SORBS2: variants seen among roughly 807,000 people sequenced by gnomAD.
SORBS2 encodes the protein sorbin and SH3 domain-containing protein 2.
Under a neutral mutation model 97.7 loss-of-function variants are expected in SORBS2, and 46 were observed. That is an observed-to-expected ratio of 0.47 (90% confidence interval 0.37 to 0.60). The LOEUF (loss-of-function observed/expected upper bound fraction) is 0.60, where lower values mean the gene tolerates loss of function less well. Ranked by LOEUF, SORBS2 falls within the 20% of genes least tolerant of loss-of-function variation. The pLI, the probability that SORBS2 is intolerant of heterozygous loss-of-function variation, is 0.00. For synonymous variants in SORBS2, 476 were observed against 473.4 expected (o/e 1.01, Z -0.07); for missense variants, 1,316 against 1,282.3 (o/e 1.03, Z -0.40).
chr4:185,854,061 G>A (rs757403179), intron 1 of SORBS2, among the ~76,000 whole-genome samples: 8 of 152,066 alleles, frequency 5.3e-5, no homozygotes, highest in African/African-American at 9.7e-5. Flanking sequence ...TGTGACAAGC[G>A]TTTCTTTAAA....
Position 185,650,948 on chromosome 4 carries a change from G to T in SORBS2, c.92-1292C>A, listed in dbSNP as rs572728038. 6.6e-5 allele frequency among the ~76,000 whole-genome samples: 10 copies of T among 152,202 alleles called. No individual in the cohort carries two copies. The East Asian group carries it at 1.7e-3, about 26-fold the overall frequency. ...CCAAATAGTTAAAGGGCCTGAATGTGGTCTCCAGGGGTGCAGAACAGGAGG... is the reference window on the plus strand; with the variant it reads ...CCAAATAGTTAAAGGGCCTGAATGTTGTCTCCAGGGGTGCAGAACAGGAGG... On this transcript the variant is annotated intron_variant, in intron 2 of 14. Transcript: ENST00000418609.
intron 1 of SORBS2, among the ~76,000 whole-genome samples, chr4:185,857,071 A>G (rs968498656): frequency 2.0e-5 from 3 of 152,184 alleles, no homozygotes; most frequent in African/African-American, 7.2e-5. Flanking sequence ...CATAACAGGA[A>G]GTAACTAGGA....
chr4:185,882,645 AG>A (rs1302459647), intron 1 of SORBS2, among the ~76,000 whole-genome samples: 4 of 152,194 alleles, frequency 2.6e-5, no homozygotes, highest in Non-Finnish European at 5.9e-5. Context: ...AATTCTTAAA[AG>A]ACTAACAACA....
intron 5 of SORBS2, among the ~76,000 whole-genome samples, chr4:185,628,932 C>T (rs1170852007): frequency 6.6e-6 from 1 of 152,206 alleles, no homozygotes; most frequent in African/African-American, 2.4e-5. Flanking sequence ...ACATATGGCA[C>T]AGCACACTGT....
chr4:185,879,821 T>G (rs1478471817), intron 1 of SORBS2, among the ~76,000 whole-genome samples: 1 of 152,170 alleles, frequency 6.6e-6, no homozygotes, highest in Non-Finnish European at 1.5e-5. Flanking sequence ...TGTTCACAGG[T>G]GAAACACCCT....
At chr4:185,748,561 T>C (rs758277959) in intron 2 of SORBS2, among the ~76,000 whole-genome samples, 15 of 152,144 alleles carry the variant, frequency 9.9e-5, no homozygotes, top group Non-Finnish European at 1.8e-4. Context: ...AAGGGAGGCC[T>C]CACGAGCAAT....
chr4:185,831,435 C>G (rs971448117), intron 1 of SORBS2, among the ~76,000 whole-genome samples: 1 of 152,184 alleles, frequency 6.6e-6, no homozygotes. Context: ...GACCTTTTAT[C>G]TTTACTTTAA....
intron 1 of SORBS2, among the ~76,000 whole-genome samples, chr4:185,853,932 T>C (rs1382902236): frequency 6.6e-6 from 1 of 152,240 alleles, no homozygotes; most frequent in African/African-American, 2.4e-5. Flanking sequence ...TAAAGATGTG[T>C]TATTCACATG....
intron 2 of SORBS2, among the ~76,000 whole-genome samples, chr4:185,733,163 G>A (rs542692542): frequency 2.0e-5 from 3 of 152,380 alleles, no homozygotes; most frequent in African/African-American, 7.2e-5. Context: ...AACTGATACA[G>A]TGGCTCAAAC....
At chr4:185,930,705 T>C (rs559692611) in intron 1 of SORBS2, among the ~76,000 whole-genome samples, 1 of 152,314 alleles carries the variant, frequency 6.6e-6, no homozygotes, top group Non-Finnish European at 1.5e-5. Flanking sequence ...GTGTAACTCA[T>C]GAAATATGAT....
At chr4:185,618,148 TATTTTTTGTAGAGAC>T (rs2096657128) in intron 9 of SORBS2, among the ~76,000 whole-genome samples, 1 of 152,170 alleles carries the variant, frequency 6.6e-6, no homozygotes. Flanking sequence ...CTAATTTTTG[TATTTTTTGTAGAGAC>T]ATGGTTTTGC....
At chr4:185,783,671 G>A (rs1056542654) in intron 1 of SORBS2, among the ~76,000 whole-genome samples, 18 of 152,136 alleles carry the variant, frequency 1.2e-4, no homozygotes, top group African/African-American at 1.7e-4. Flanking sequence ...GAAGTAGACT[G>A]GTCTCCAGTG....
rs572780045 is a variant in SORBS2 at position 185,675,675 on chromosome 4, T to C, written c.-46+2748A>G. On this transcript the variant is annotated intron_variant, in intron 4 of 20. Coordinates refer to the SORBS2 transcript ENST00000284776. ...CAATTATTAATAAACATAAACAAGC[T>C]GCAACAGTGCCTGCATAGAGTAAGG... 2.4e-4 allele frequency among the ~76,000 whole-genome samples: 36 copies of C among 152,308 alleles called. No homozygotes were observed. In the South Asian group the frequency reaches 7.1e-3, roughly 30 times the overall value.
chr4:185,759,269 G>A (rs1361344993), intron 2 of SORBS2, among the ~76,000 whole-genome samples: 1 of 152,240 alleles, frequency 6.6e-6, no homozygotes, highest in Non-Finnish European at 1.5e-5. Flanking sequence ...TCTGCCCAAT[G>A]TAAGAGGAGG....
chr4:185,586,280 T>C (rs1305712218), exon 15 of SORBS2: 1 of 152,670 alleles, frequency 6.6e-6, no homozygotes, highest in African/African-American at 2.4e-5. Flanking sequence ...TCAGGCACTG[T>C]GAACCATATT....
intron 1 of SORBS2, among the ~76,000 whole-genome samples, chr4:185,819,847 A>G (rs2099195624): frequency 6.6e-6 from 1 of 152,204 alleles, no homozygotes; most frequent in Non-Finnish European, 1.5e-5. Flanking sequence ...CTCAAAGTAT[A>G]CTTGTTCATT....
chr4:185,854,949 A>T (rs2099219968), intron 1 of SORBS2, among the ~76,000 whole-genome samples: 3 of 152,198 alleles, frequency 2.0e-5, no homozygotes, highest in Admixed American at 2.0e-4. Context: ...TAAGACTTAA[A>T]ATAAGAGCAT....
At chr4:185,729,081 A>C (rs1453990141) in intron 2 of SORBS2, among the ~76,000 whole-genome samples, 1 of 152,248 alleles carries the variant, frequency 6.6e-6, no homozygotes, top group Non-Finnish European at 1.5e-5. Context: ...GAATGGGCAC[A>C]TGAGAAGAAT....
intron 2 of SORBS2, among the ~76,000 whole-genome samples, chr4:185,715,638 G>T (rs2098459253): frequency 6.6e-6 from 1 of 152,112 alleles, no homozygotes; most frequent in African/African-American, 2.4e-5. Context: ...AGATTAAAAA[G>T]TACTTTATGT....
Sources: allele counts gnomAD v4.1 joint callset (sites outside exome capture counted in the v4.1 genomes callset), GRCh38; gene constraint gnomAD v4.1.1; transcripts MANE v1.5; gene names NCBI Gene and HGNC (gene_info 2026-07-23, HGNC 2026-07-21).